The following TMEM184B variants were observed in gnomAD, a reference collection of about 807,000 sequenced individuals.
TMEM184B encodes the protein transmembrane protein 184B.
In TMEM184B, 17 loss-of-function variants were observed where a neutral mutation model predicts 41.8. The ratio of observed to expected loss-of-function variants is 0.41; its 90% CI spans 0.28 to 0.61. The LOEUF is 0.61. Ranked by LOEUF, TMEM184B falls within the 20% of genes least tolerant of loss-of-function variation. The probability of loss-of-function intolerance (pLI) is 0.34; values close to 1 mark genes in which losing one functional copy is unlikely to be tolerated. For synonymous variants in TMEM184B, 240 were observed against 229.5 expected (o/e 1.05, Z -0.41); for missense variants, 393 against 557.8 (o/e 0.70, Z 2.98).
intron 3 of TMEM184B, among the ~76,000 whole-genome samples, chr22:38,240,933 A>G (rs1165627173): frequency 1.3e-5 from 2 of 152,166 alleles, no homozygotes; most frequent in African/African-American, 4.8e-5. Context: ...TATACTAAAG[A>G]TATTTTCAGA....
intron 1 of TMEM184B, among the ~76,000 whole-genome samples, chr22:38,256,319 T>A (rs940804754): frequency 3.3e-5 from 5 of 151,808 alleles, no homozygotes; most frequent in Middle Eastern, 3.4e-3. Flanking sequence ...GTTCAAGCAA[T>A]TCTCCTGCCT....
chr22:38,231,057 A>G (rs1009778701), intron 4 of TMEM184B, among the ~76,000 whole-genome samples, 187 bp downstream of exon 4: 1 of 152,216 alleles, frequency 6.6e-6, no homozygotes, highest in African/African-American at 2.4e-5. Flanking sequence ...AGAGAGAGAA[A>G]GACTGAGCCG....
chr22:38,251,777 C>T (rs867092153), intron 1 of TMEM184B, among the ~76,000 whole-genome samples: 13 of 152,168 alleles, frequency 8.5e-5, no homozygotes, highest in Admixed American at 2.6e-4. Context: ...TCTTTACTCC[C>T]GTGGGGAAAG....
chr22:38,262,327 T>A (rs2092383551), intron 1 of TMEM184B, among the ~76,000 whole-genome samples: 1 of 152,200 alleles, frequency 6.6e-6, no homozygotes, highest in South Asian at 2.1e-4. Flanking sequence ...CTGGGCAGTT[T>A]ACACAGAAGC....
intron 1 of TMEM184B, among the ~76,000 whole-genome samples, chr22:38,269,202 C>T (rs2092485957): frequency 6.6e-6 from 1 of 152,266 alleles, no homozygotes; most frequent in Non-Finnish European, 1.5e-5. Context: ...CTCTCTCCCT[C>T]CTCCTCCCGT....
At chr22:38,236,568 T>A (rs986138496) in intron 3 of TMEM184B, among the ~76,000 whole-genome samples, 4 of 152,156 alleles carry the variant, frequency 2.6e-5, no homozygotes, top group African/African-American at 9.7e-5. Context: ...ACCGCAGCCT[T>A]GACCTCCCAG....
chr22:38,259,766 A>C (rs996900515), intron 1 of TMEM184B, among the ~76,000 whole-genome samples: 4 of 152,088 alleles, frequency 2.6e-5, no homozygotes, highest in Non-Finnish European at 4.4e-5. Flanking sequence ...ATTGTAAGTA[A>C]TCTATAATTT....
At chr22:38,218,290 G>A (rs2146032254), downstream of TMEM184B, among the ~76,000 whole-genome samples, 1 of 152,294 alleles carries the variant, frequency 6.6e-6, no homozygotes, top group Non-Finnish European at 1.5e-5. Flanking sequence ...GTATACTGTG[G>A]TCTGTGGGTC....
At chr22:38,237,009 C>T (rs779450331) in intron 3 of TMEM184B, among the ~76,000 whole-genome samples, 8 of 152,178 alleles carry the variant, frequency 5.3e-5, no homozygotes, top group Non-Finnish European at 8.8e-5. Flanking sequence ...CTCTCCTCTA[C>T]TGGCTTCTTC....
At chr22:38,224,650 A>G in intron 8 of TMEM184B, 135 bp downstream of exon 8, 1 of 876,460 alleles carries the variant, frequency 1.1e-6, no homozygotes, top group Non-Finnish European at 1.6e-6. Context: ...CTGTGGCCCC[A>G]TTCCTGCATA....
At chr22:38,258,921 C>T (rs558130070) in intron 1 of TMEM184B, among the ~76,000 whole-genome samples, 2 of 152,246 alleles carry the variant, frequency 1.3e-5, no homozygotes, top group African/African-American at 4.8e-5. Context: ...AGCAGACATC[C>T]AGTGTCGTTT....
chr22:38,220,043 C>T lies in TMEM184B; in HGVS notation c.*1426G>A. The T allele has an allele frequency of 7.1e-6, 7 of 985,552 alleles. No homozygotes were observed. The highest frequency in any genetic ancestry group is 8.4e-6 in the Non-Finnish European group (7 of 830,012). 61.1% of individuals were successfully genotyped at this position (985,552 alleles called of 1,614,324 possible). On this transcript the variant is annotated 3_prime_UTR_variant, in exon 9 of 9. Transcript: ENST00000361906. ...ACCGGCAGGGTCCCTCTCCCTTACCCTACCAGCTTCTCCAGGTGACTGCAG... is the reference window on the plus strand; with the variant it reads ...ACCGGCAGGGTCCCTCTCCCTTACCTTACCAGCTTCTCCAGGTGACTGCAG...
chr22:38,253,777 C>T (rs9610923), intron 1 of TMEM184B, among the ~76,000 whole-genome samples: 41,448 of 151,840 alleles, frequency 0.27, 6,253 homozygotes, highest in Middle Eastern at 0.38. Context: ...AGGAAAAAAT[C>T]GATAAACTGC....
At chr22:38,268,177 T>A (rs1373356011) in intron 1 of TMEM184B, among the ~76,000 whole-genome samples, 2 of 151,942 alleles carry the variant, frequency 1.3e-5, no homozygotes, top group African/African-American at 4.8e-5. Flanking sequence ...GGTCAGGAGT[T>A]CGAGACCAGC....
chr22:38,229,343 C>T (rs969716154), intron 5 of TMEM184B, among the ~76,000 whole-genome samples: 1 of 152,258 alleles, frequency 6.6e-6, no homozygotes, highest in Non-Finnish European at 1.5e-5. Context: ...GGCTCCACCA[C>T]GCCGGGCTGA....
At chr22:38,221,985 C>T (rs1010415722) in intron 8 of TMEM184B, 15 of 514,278 alleles carry the variant, frequency 2.9e-5, no homozygotes, top group African/African-American at 2.5e-4. Context: ...GGGAAGGGAC[C>T]CAGGGTGGAG....
chr22:38,228,814 C>A (rs1225226126), intron 5 of TMEM184B, among the ~76,000 whole-genome samples: 2 of 152,200 alleles, frequency 1.3e-5, no homozygotes, highest in African/African-American at 4.8e-5. Context: ...TCTGAGCCCA[C>A]AGGGCTGGGG....
downstream of TMEM184B, among the ~76,000 whole-genome samples, chr22:38,216,786 G>C (rs938523880): frequency 8.7e-4 from 133 of 152,196 alleles, no homozygotes; most frequent in African/African-American, 3.1e-3. Flanking sequence ...GCTCACACCT[G>C]TAATCCCAGC....
chr22:38,231,356 G>A (rs761636403), intron 3 of TMEM184B, 22 bp from the exon 4 acceptor site: 1 of 1,598,456 alleles, frequency 6.3e-7, no homozygotes, highest in South Asian at 1.1e-5. Flanking sequence ...GTGTCCAGGA[G>A]AAACCAGTCA....
Sources: gnomAD v4.1 joint callset for allele counts (sites outside exome capture counted in the v4.1 genomes callset) on GRCh38, gnomAD v4.1.1 for gene constraint, MANE v1.5 for transcripts, NCBI Gene and HGNC (gene_info 2026-07-23, HGNC 2026-07-21) for gene names.